Variants in BANP observed in about 807,000 individuals in gnomAD.
The protein encoded by BANP is protein BANP.
Under a neutral mutation model 68.1 loss-of-function variants are expected in BANP, and 11 were observed. That is an observed-to-expected ratio of 0.16 (90% confidence interval 0.10 to 0.27). The LOEUF is 0.27. BANP is among the 10% of genes least tolerant of loss of function. The pLI is 1.00. For missense variants in BANP, 504 were observed against 722.7 expected, an observed-to-expected ratio of 0.70 and a Z score of 3.47; for synonymous variants, 329 against 303.2, an observed-to-expected ratio of 1.09 and a Z score of -0.88.
intron 4 of BANP, among the ~76,000 whole-genome samples, chr16:87,997,276 A>C (rs1324016457): frequency 1.3e-5 from 2 of 152,232 alleles, no homozygotes; most frequent in African/African-American, 4.8e-5. Flanking sequence ...TTTTGTTTTA[A>C]ATCCATCAAA....
At position 88,072,104 on chromosome 16, in the gene BANP, C is replaced by G; in HGVS notation, c.1413C>G (p.Ser471=). ...LQGAQLIAVA[S]SDPAAAGVDG... Reference sequence around the variant, plus strand: ...GTGCACAGCTGATCGCCGTGGCCTCCTCGGACCCCGCGGCGGCGGGCGTGG... The same window carrying G: ...GTGCACAGCTGATCGCCGTGGCCTCGTCGGACCCCGCGGCGGCGGGCGTGG... The change falls in exon 13 of 14, where the codon TCC becomes TCG. Residue 471 remains serine (S), a synonymous_variant. Coordinates refer to ENST00000682872, the MANE Select transcript of BANP (RefSeq NM_001386991.1). The G allele has an allele frequency of 6.2e-7, 1 of 1,602,192 alleles. No homozygotes were observed. Among genetic ancestry groups the G allele is most frequent in the Non-Finnish European group, 8.5e-7 (1 of 1,175,822 alleles).
intron 11 of BANP, among the ~76,000 whole-genome samples, chr16:88,059,068 C>A (rs772850838): frequency 7.3e-6 from 1 of 136,338 alleles, no homozygotes; most frequent in Non-Finnish European, 1.5e-5. Context: ...GTGGTCCGTG[C>A]TCCTGCTGGT....
At chr16:87,959,757 C>G (rs1323216134) in intron 1 of BANP, 1 of 152,320 alleles carries the variant, frequency 6.6e-6, no homozygotes, top group East Asian at 1.9e-4. Context: ...AGCCCAGGTC[C>G]CGGGTGAGGG....
At chr16:88,052,338 C>G (rs2083448352) in intron 11 of BANP, among the ~76,000 whole-genome samples, 1 of 152,126 alleles carries the variant, frequency 6.6e-6, no homozygotes. Context: ...AAGTTAGAGA[C>G]TTGCTTTCTC....
rs748488416 is a variant in BANP, at chr16:88,004,071, C to T, written c.363-224C>T. On this transcript the variant is annotated intron_variant, in intron 4 of 13. Coordinates refer to ENST00000682872, the MANE Select transcript of BANP (RefSeq NM_001386991.1). The surrounding 1 kb of genome is among the most constrained non-coding windows in gnomAD (Gnocchi z 7.0). ...GATCACCAACAATTAGGAAAAGTTA[C>T]GTTCTGCTAAAAACCCCATCTCCAG... 2.2e-5 allele frequency: 11 copies of T among 507,544 alleles called. No homozygotes were observed. Among genetic ancestry groups the T allele is most frequent in the Admixed American group, 6.7e-5 (2 of 29,996 alleles). The allele number at this position is 507,544 out of a possible 1,614,324, so 31.4% of individuals were successfully genotyped here. A position where few individuals can be genotyped will look rare whatever the true frequency, so the allele number is the denominator to read the frequency against.
intron 9 of BANP, among the ~76,000 whole-genome samples, chr16:88,034,470 T>C (rs1229510608): frequency 8.9e-6 from 1 of 111,840 alleles, no homozygotes. Context: ...GTGGATTCTT[T>C]GATTTTTTTT....
rs930853527 is a variant in BANP, at chr16:88,018,236, C to T, written c.656-192C>T. Among the ~76,000 whole-genome samples the T allele has an allele frequency of 3.9e-5, 6 of 152,052 alleles. No homozygotes were observed. Among genetic ancestry groups the T allele is most frequent in the African/African-American group, 1.4e-4 (6 of 41,390 alleles). ...CGGGGGTGGTGGGATCGTGTCTGTT[C>T]CGCGTCAGTTCTTTCTTGGGCAGCA... On this transcript the variant is annotated intron_variant, in intron 6 of 13. Coordinates refer to ENST00000682872, the MANE Select transcript of BANP (RefSeq NM_001386991.1). This position sits in a 1 kb window ranked among gnomAD's most constrained non-coding sequence, Gnocchi z 7.7.
In BANP at chr16:88,076,591, C is replaced by T. The variant is rs766648819; in HGVS notation, c.1523C>T (p.Thr508Met). The change falls in exon 14 of 14, where the codon ACG becomes ATG. Residue 508 changes from threonine (T) to methionine (M), a missense_variant and splice_region_variant. Transcript: ENST00000682872. ...GTCCCTCCTTTCTCCCTTTTGCAGACGGCCGAAGCCCTGCAGCCCACGCTA... is the reference window on the plus strand; with the variant it reads ...GTCCCTCCTTTCTCCCTTTTGCAGATGGCCGAAGCCCTGCAGCCCACGCTA... ...PVSDHTAGAQ[T>M]AEALQPTLQP... 5 of 1,612,278 alleles carry T rather than the reference C, an allele frequency of 3.1e-6. No homozygotes were observed. The highest frequency in any genetic ancestry group is 2.2e-5 in the South Asian group (2 of 91,052).
intron 11 of BANP, among the ~76,000 whole-genome samples, chr16:88,060,809 C>T (rs1217931944): frequency 2.0e-5 from 3 of 152,170 alleles, no homozygotes; most frequent in African/African-American, 2.4e-5. Context: ...CTTGTGCACG[C>T]GTCATGCAGA....
In BANP at chr16:87,957,243, G is replaced by A. The variant is rs1423688618; in HGVS notation, c.-69+5728G>A. Among the ~76,000 whole-genome samples, 1 of 152,164 alleles carries A rather than the reference G, an allele frequency of 6.6e-6. No individual in the cohort carries two copies. Among genetic ancestry groups the A allele is most frequent in the African/African-American group, 2.4e-5 (1 of 41,416 alleles). On this transcript the variant is annotated intron_variant, in intron 1 of 13. Coordinates refer to ENST00000682872, the MANE Select transcript of BANP (RefSeq NM_001386991.1). This position sits in a 1 kb window ranked among gnomAD's most constrained non-coding sequence, Gnocchi z 4.3. The stretch of plus-strand genomic sequence containing the variant: ...TGGAGGATGGCGCGGTGCTCCATTC[G>A]GAACCCACAGGTCGCCAGCTTACAG...
chr16:88,011,776 G>A (rs2073193135), intron 6 of BANP, among the ~76,000 whole-genome samples: 1 of 152,188 alleles, frequency 6.6e-6, no homozygotes, highest in African/African-American at 2.4e-5. Context: ...TCCTCCAGGA[G>A]TGTGCACTTT....
chr16:87,984,332 G>A lies in BANP; in HGVS notation c.362+73G>A, dbSNP rs574310287. The stretch of plus-strand genomic sequence containing the variant: ...GCGCGTCACCTCCTCGCCCAGGCCC[G>A]CAGCTTAGTGGCTCAGTTTGCTGGA... On this transcript the variant is annotated intron_variant, in intron 4 of 13. Transcript: ENST00000682872. The A allele has an allele frequency of 6.4e-5, 86 of 1,349,310 alleles. 2 individuals carry two copies. The South Asian group carries it at 9.3e-4, about 15-fold the overall frequency. 83.6% of individuals were successfully genotyped at this position (1,349,310 alleles called of 1,614,324 possible). A position where few individuals can be genotyped will look rare whatever the true frequency, so the allele number is the denominator to read the frequency against.
chr16:88,034,914 A>G (rs935627832), intron 9 of BANP: 4 of 155,468 alleles, frequency 2.6e-5, no homozygotes, highest in African/African-American at 7.2e-5. Flanking sequence ...AACAATTTGT[A>G]AGTTTCAGAT....
chr16:87,949,943 T>G (rs1191682833), upstream of BANP, among the ~76,000 whole-genome samples: 3 of 150,348 alleles, frequency 2.0e-5, no homozygotes, highest in Non-Finnish European at 3.0e-5. Flanking sequence ...AGTGGCGCCA[T>G]CTCGGCTCAC....
At chr16:87,981,313 C>T (rs1226408964) in intron 3 of BANP, among the ~76,000 whole-genome samples, 186 bp downstream of exon 3, 1 of 152,232 alleles carries the variant, frequency 6.6e-6, no homozygotes, top group Non-Finnish European at 1.5e-5. Flanking sequence ...ATCCTTCCTG[C>T]CTCTTCCAGC....
In BANP at chr16:88,002,838, G is replaced by C. The variant is rs1202522248; in HGVS notation, c.363-1457G>C. Among the ~76,000 whole-genome samples, 1 of 152,144 alleles carries C rather than the reference G, an allele frequency of 6.6e-6. No homozygotes were observed. Among genetic ancestry groups the C allele is most frequent in the Non-Finnish European group, 1.5e-5 (1 of 68,040 alleles). ...CAGTGGCCACTGTGAATAGTCATTA[G>C]GGGACTGTTGGCTTCTCAGCAGCAC... On this transcript the variant is annotated intron_variant, in intron 4 of 13. Transcript: ENST00000682872. This position sits in a 1 kb window ranked among gnomAD's most constrained non-coding sequence, Gnocchi z 4.6.
chr16:87,991,809 A>G (rs936047624), intron 4 of BANP, among the ~76,000 whole-genome samples: 20 of 152,304 alleles, frequency 1.3e-4, no homozygotes, highest in Non-Finnish European at 2.8e-4. Context: ...AATATGCATA[A>G]TTATGTTACC....
At chr16:87,979,472 T>C (rs778969248) in intron 2 of BANP, among the ~76,000 whole-genome samples, 1 of 143,322 alleles carries the variant, frequency 7.0e-6, no homozygotes, top group Non-Finnish European at 1.6e-5. Flanking sequence ...CTAGGCGGCA[T>C]TTGAGTGGGG....
chr16:88,045,605 A>G (rs563521558), intron 11 of BANP, among the ~76,000 whole-genome samples: 32 of 152,168 alleles, frequency 2.1e-4, no homozygotes, highest in African/African-American at 7.7e-4. Flanking sequence ...GAGCCCTGCT[A>G]TGCCGGGCAT....
Sources: gnomAD v4.1 joint callset for allele counts (sites outside exome capture counted in the v4.1 genomes callset) on GRCh38, gnomAD v4.1.1 for gene constraint, Gnocchi (gnomAD v3.1) non-coding constraint, MANE v1.5 for transcripts, NCBI Gene and HGNC (gene_info 2026-07-23, HGNC 2026-07-21) for gene names.